Variants in SEPTIN11 observed in about 807,000 individuals in gnomAD.
SEPTIN11 encodes septin-11.
In SEPTIN11, 25 loss-of-function variants were observed where a neutral mutation model predicts 51.4. That is an observed-to-expected ratio of 0.49 (90% confidence interval 0.35 to 0.68). The LOEUF is 0.68. SEPTIN11 is among the 30% of genes least tolerant of loss of function. The pLI is 0.00. For synonymous variants in SEPTIN11, 174 were observed against 184.1 expected (o/e 0.95, Z 0.44); for missense variants, 381 against 520.8 (o/e 0.73, Z 2.61).
Position 76,949,937 on chromosome 4 carries a change from G to A in SEPTIN11, c.27+7G>A. On this transcript the variant is annotated splice_region_variant and intron_variant, in intron 1 of 9. Coordinates refer to ENST00000264893, the MANE Select transcript of SEPTIN11 (RefSeq NM_018243.4). Reference sequence around the variant, plus strand: ...GGCCGTGGGGAGACCGTCTGTGAGTGCTGGGGCCTCGCCTGCTGCTCCTCG... The same window carrying A: ...GGCCGTGGGGAGACCGTCTGTGAGTACTGGGGCCTCGCCTGCTGCTCCTCG... 1 of 1,501,788 alleles carries A rather than the reference G, an allele frequency of 6.7e-7. No individual in the cohort carries two copies. 93.0% of individuals were successfully genotyped at this position (1,501,788 alleles called of 1,614,324 possible). A position where few individuals can be genotyped will look rare whatever the true frequency, so the allele number is the denominator to read the frequency against.
Position 77,034,706 on chromosome 4 carries a change from C to T in SEPTIN11, c.*194C>T, listed in dbSNP as rs1050717584. Reference sequence around the variant, plus strand: ...AAATGATAGAACAAGGGAATAACCGCGAATGCTCTGTGCAGCTGGACTCTG... The same window carrying T: ...AAATGATAGAACAAGGGAATAACCGTGAATGCTCTGTGCAGCTGGACTCTG... On this transcript the variant is annotated 3_prime_UTR_variant, in exon 10 of 10. Coordinates refer to ENST00000264893, the MANE Select transcript of SEPTIN11 (RefSeq NM_018243.4). 1.1e-5 allele frequency: 14 copies of T among 1,304,794 alleles called. No homozygotes were observed. The highest frequency in any genetic ancestry group is 7.8e-6 in the Non-Finnish European group (8 of 1,024,498). The allele number at this position is 1,304,794 out of a possible 1,614,324, so 80.8% of individuals were successfully genotyped here.
At chr4:77,029,783 T>C (rs1426455720) in intron 8 of SEPTIN11, among the ~76,000 whole-genome samples, 6 of 149,172 alleles carry the variant, frequency 4.0e-5, no homozygotes, top group African/African-American at 1.3e-4. Context: ...CACACACACA[T>C]ATATATACAC....
In SEPTIN11 at chr4:77,035,930, T is replaced by C. The variant is rs528483545; in HGVS notation, c.*1418T>C. ...CTCTCTACATGTAGAAAGGATAACA[T>C]TTCTCATGAACCCACTGCCCCTCTG... On this transcript the variant is annotated 3_prime_UTR_variant, in exon 10 of 10. Transcript: ENST00000264893. 1.0e-6 allele frequency: 1 copy of C among 985,930 alleles called. No homozygotes were observed. The highest frequency in any genetic ancestry group is 4.7e-5 in the South Asian group (1 of 21,292). The allele number at this position is 985,930 out of a possible 1,614,324, so 61.1% of individuals were successfully genotyped here. A position where few individuals can be genotyped will look rare whatever the true frequency, so the allele number is the denominator to read the frequency against.
In SEPTIN11 at chr4:77,036,798, A is replaced by C; in HGVS notation, c.*2286A>C. Reference sequence around the variant, plus strand: ...TCCTTGGCTCTGCACGGAATAAATGATACCCTCAAATCTAATTGGATGTGC... The same window carrying C: ...TCCTTGGCTCTGCACGGAATAAATGCTACCCTCAAATCTAATTGGATGTGC... On this transcript the variant is annotated 3_prime_UTR_variant, in exon 10 of 10. Coordinates refer to ENST00000264893, the MANE Select transcript of SEPTIN11 (RefSeq NM_018243.4). 2 of 1,531,978 alleles carry C rather than the reference A, an allele frequency of 1.3e-6. No individual in the cohort carries two copies. The highest frequency in any genetic ancestry group is 1.2e-5 in the South Asian group (1 of 82,982). 94.9% of individuals were successfully genotyped at this position (1,531,978 alleles called of 1,614,324 possible).
chr4:77,039,883 G>C (rs1009706936), downstream of SEPTIN11: 11 of 295,800 alleles, frequency 3.7e-5, no homozygotes, highest in Non-Finnish European at 5.0e-5. Flanking sequence ...TTTTGGGGGA[G>C]AAAAACTCCA....
At chr4:77,004,433 A>G (rs796227912) in intron 2 of SEPTIN11, among the ~76,000 whole-genome samples, 38 of 152,368 alleles carry the variant, frequency 2.5e-4, no homozygotes, top group African/African-American at 8.9e-4. Flanking sequence ...AGAGATTAAT[A>G]TAACCATAAC....
intron 1 of SEPTIN11, among the ~76,000 whole-genome samples, chr4:76,960,995 G>A (rs571384673): frequency 1.2e-4 from 19 of 152,278 alleles, no homozygotes; most frequent in Admixed American, 5.2e-4. Context: ...AGGACCTTCT[G>A]TGTTACTTGT....
Position 77,038,579 on chromosome 4 carries a change from A to G in SEPTIN11, c.*4067A>G. ...ATGCATATATCACTAGTGCCAAGAC[A>G]TAAAGCGGGGGAAAATATATTTTTA... On this transcript the variant is annotated 3_prime_UTR_variant, in exon 10 of 10. Coordinates refer to ENST00000264893, the MANE Select transcript of SEPTIN11 (RefSeq NM_018243.4). The G allele has an allele frequency of 1.0e-6, 1 of 995,516 alleles. No homozygotes were observed. Among genetic ancestry groups the G allele is most frequent in the Non-Finnish European group, 1.2e-6 (1 of 836,256 alleles). 61.7% of individuals were successfully genotyped at this position (995,516 alleles called of 1,614,324 possible).
At chr4:77,019,318 G>A (rs565817702) in intron 6 of SEPTIN11, 57 bp downstream of exon 6, 46 of 1,414,850 alleles carry the variant, frequency 3.3e-5, no homozygotes, top group East Asian at 7.6e-5. Context: ...GTGAATGGCC[G>A]TGTTTGTTCA....
At chr4:77,030,410 AT>A (rs919046017) in intron 8 of SEPTIN11, among the ~76,000 whole-genome samples, 3 of 151,584 alleles carry the variant, frequency 2.0e-5, no homozygotes, top group African/African-American at 7.3e-5. Flanking sequence ...GTTTTCTTTT[AT>A]TTTCTTTTGA....
Position 77,028,705 on chromosome 4 carries a change from A to G in SEPTIN11, c.1030A>G (p.Met344Val), listed in dbSNP as rs370011814. 1 of 1,613,828 alleles carries G rather than the reference A, an allele frequency of 6.2e-7. No individual in the cohort carries two copies. Among genetic ancestry groups the G allele is most frequent in the African/African-American group, 1.3e-5 (1 of 74,920 alleles). ...LQKKEEEMRQ[M>V]FVMRVKEKEA... is the part of the protein sequence containing the mutation. ...GAAGAAAGAAGAAGAAATGAGACAA[A>G]TGTTTGTTATGAGAGTGAAGGAGAA... The change falls in exon 8 of 10, where the codon ATG (methionine) becomes GTG (valine). Residue 344 changes from methionine to valine, a missense_variant. Transcript: ENST00000264893.
At chr4:76,967,214 G>A (rs1578124248) in intron 1 of SEPTIN11, among the ~76,000 whole-genome samples, 2 of 152,172 alleles carry the variant, frequency 1.3e-5, no homozygotes, top group South Asian at 4.2e-4. Context: ...AAAAGAAAAA[G>A]TGCTTAACCT....
intron 1 of SEPTIN11, among the ~76,000 whole-genome samples, chr4:76,975,167 T>C (rs1722434679): frequency 6.6e-6 from 1 of 151,906 alleles, no homozygotes; most frequent in Admixed American, 6.6e-5. Flanking sequence ...TAAGCCCTTT[T>C]AAAAGGCTTA....
At chr4:77,040,106 CTT>C (rs1039020120), downstream of SEPTIN11, 1 of 152,126 alleles carries the variant, frequency 6.6e-6, no homozygotes, top group Non-Finnish European at 1.5e-5. Context: ...GGGTAGATGA[CTT>C]TTCTGCCTCT....
At chr4:76,959,630 G>T (rs1355882199) in intron 1 of SEPTIN11, among the ~76,000 whole-genome samples, 2 of 152,190 alleles carry the variant, frequency 1.3e-5, no homozygotes, top group East Asian at 3.9e-4. Flanking sequence ...GATCCAGAGT[G>T]AATGGGGGAA....
At chr4:76,999,379 AGAG>A (rs1377145752) in intron 2 of SEPTIN11, among the ~76,000 whole-genome samples, 1 of 152,238 alleles carries the variant, frequency 6.6e-6, no homozygotes, top group Non-Finnish European at 1.5e-5. Context: ...ACGGCCTCGT[AGAG>A]GAGGAGGTGT....
At chr4:76,985,029 C>A (rs1429076881) in intron 1 of SEPTIN11, 2 of 152,182 alleles carry the variant, frequency 1.3e-5, no homozygotes, top group Non-Finnish European at 2.9e-5. Flanking sequence ...ACATTGCTTC[C>A]CTCCCACCCT....
In SEPTIN11 at chr4:76,971,450, T is replaced by A. The variant is rs554308917; in HGVS notation, c.27+21520T>A. ...TTAATTATGGAGAGGTTTTTTTTTT[T>A]AGCCTTTCACCTAAAATATTGAGAT... is the stretch of plus-strand genomic sequence containing the variant. On this transcript the variant is annotated intron_variant, in intron 1 of 9. Transcript: ENST00000264893. 2.6e-5 allele frequency among the ~76,000 whole-genome samples: 4 copies of A among 151,544 alleles called. No individual in the cohort carries two copies. The South Asian group carries it at 8.4e-4, about 32-fold the overall frequency.
intron 7 of SEPTIN11, 44 bp from the exon 8 acceptor site, chr4:77,028,585 A>G (rs764619143): frequency 2.3e-5 from 36 of 1,538,178 alleles, no homozygotes; most frequent in Non-Finnish European, 6.1e-6. Flanking sequence ...ATTTCTTAGT[A>G]TACAATTTCA....
Sources: gnomAD v4.1 joint callset for allele counts (sites outside exome capture counted in the v4.1 genomes callset) on GRCh38, gnomAD v4.1.1 for gene constraint, MANE v1.5 for transcripts, NCBI Gene and HGNC (gene_info 2026-07-23, HGNC 2026-07-21) for gene names.